ALDH1A2: variants seen among roughly 807,000 people sequenced by gnomAD.
ALDH1A2 encodes the protein aldehyde dehydrogenase 1 family member A2.
Under a neutral mutation model 60.3 loss-of-function variants are expected in ALDH1A2, and 27 were observed. The observed-to-expected ratio is 0.45, with a 90% confidence interval of 0.33 to 0.62. The LOEUF is 0.62. Among genes scored for constraint, ALDH1A2 ranks in the 20% least tolerant of loss-of-function variants. ALDH1A2 has a pLI of 0.02. For synonymous variants in ALDH1A2, 289 were observed against 232.4 expected, an observed-to-expected ratio of 1.24 and a Z score of -2.21; for missense variants, 581 against 643.8, an observed-to-expected ratio of 0.90 and a Z score of 1.06.
At chr15:58,007,116 A>G (rs997852524) in intron 4 of ALDH1A2, among the ~76,000 whole-genome samples, 3 of 151,908 alleles carry the variant, frequency 2.0e-5, no homozygotes, top group African/African-American at 7.3e-5. Flanking sequence ...ATAAATCAAC[A>G]ATATATATTA....
chr15:58,062,751 G>A (rs1297619760), intron 1 of ALDH1A2, among the ~76,000 whole-genome samples: 1 of 152,164 alleles, frequency 6.6e-6, no homozygotes, highest in Non-Finnish European at 1.5e-5. Context: ...GATCCAGCTT[G>A]CTGTATTAGG....
intron 4 of ALDH1A2, among the ~76,000 whole-genome samples, chr15:58,004,907 C>CA (rs528716938): frequency 5.8e-4 from 87 of 151,030 alleles, no homozygotes; most frequent in Admixed American, 5.0e-3. Flanking sequence ...AAAAACACCC[C>CA]ATGTTCATGG....
Position 58,055,984 on chromosome 15 carries a change from A to T in ALDH1A2, c.117+9550T>A, listed in dbSNP as rs1896885617. 4.6e-5 allele frequency among the ~76,000 whole-genome samples: 7 copies of T among 152,232 alleles called. No individual in the cohort carries two copies. In the South Asian group the frequency reaches 1.5e-3, roughly 32 times the overall value. ...ATCAGCAGCACAGAGTGAATAATTCATCAATTTATCTTGACCCTTCAAAAA... is the reference window on the plus strand; with the variant it reads ...ATCAGCAGCACAGAGTGAATAATTCTTCAATTTATCTTGACCCTTCAAAAA... On this transcript the variant is annotated intron_variant, in intron 1 of 12. Transcript: ENST00000249750.
intron 1 of ALDH1A2, among the ~76,000 whole-genome samples, chr15:58,043,001 T>C (rs1374418874): frequency 6.6e-6 from 1 of 151,948 alleles, no homozygotes; most frequent in African/African-American, 2.4e-5. Flanking sequence ...GATACCCTTA[T>C]AAAAGTCTTA....
At chr15:58,007,184 AAGAATGTTGTGATC>A (rs1158583023) in intron 4 of ALDH1A2, among the ~76,000 whole-genome samples, 1 of 152,028 alleles carries the variant, frequency 6.6e-6, no homozygotes, top group Non-Finnish European at 1.5e-5. Context: ...ATCAGCAGAC[AAGAATGTTGTGATC>A]AGAAGCTCAC....
At chr15:58,014,134 G>A in intron 2 of ALDH1A2, 43 bp downstream of exon 2, 1 of 1,614,058 alleles carries the variant, frequency 6.2e-7, no homozygotes, top group Non-Finnish European at 8.5e-7. Flanking sequence ...GCTGTTTGAA[G>A]GCAGTTATTT....
At chr15:57,987,393 A>T (rs867006175) in intron 7 of ALDH1A2, among the ~76,000 whole-genome samples, 2 of 152,112 alleles carry the variant, frequency 1.3e-5, no homozygotes, top group African/African-American at 4.8e-5. Flanking sequence ...ACAAAAAGAA[A>T]CTCTCTCAAA....
chr15:58,014,499 C>T, intron 1 of ALDH1A2: 1 of 597,968 alleles, frequency 1.7e-6, no homozygotes. Context: ...ACAGTTCTTA[C>T]CTTTCATGAA....
chr15:57,974,539 T>C (rs746219923), intron 7 of ALDH1A2, among the ~76,000 whole-genome samples: 1 of 151,700 alleles, frequency 6.6e-6, no homozygotes, highest in African/African-American at 2.4e-5. Flanking sequence ...GGCAGGGTAG[T>C]CTTTTCAAGA....
intron 1 of ALDH1A2, among the ~76,000 whole-genome samples, chr15:58,045,547 T>G (rs1310098894): frequency 6.6e-6 from 1 of 152,098 alleles, no homozygotes; most frequent in Non-Finnish European, 1.5e-5. Flanking sequence ...ATATACACCA[T>G]GGAATACTAT....
chr15:57,954,953 T>G lies in ALDH1A2; in HGVS notation c.*244A>C. ...ACTGGATGTGTCTGCTAGCTCCTCC[T>G]CCTCCCTTTATCCCACTTTCCCCAA... On this transcript the variant is annotated 3_prime_UTR_variant, in exon 13 of 13. Coordinates refer to ENST00000249750, the MANE Select transcript of ALDH1A2 (RefSeq NM_003888.4). 3.4e-6 allele frequency: 2 copies of G among 582,996 alleles called. No homozygotes were observed. Among genetic ancestry groups the G allele is most frequent in the South Asian group, 4.0e-5 (2 of 49,688 alleles). The allele number at this position is 582,996 out of a possible 1,614,324, so 36.1% of individuals were successfully genotyped here.
intron 10 of ALDH1A2, 134 bp downstream of exon 10, chr15:57,961,878 G>T: frequency 8.0e-7 from 1 of 1,254,976 alleles, no homozygotes; most frequent in Non-Finnish European, 1.1e-6. Flanking sequence ...AATTTTCATA[G>T]CCATGTTCAT....
At chr15:58,046,401 C>T (rs1896641296) in intron 1 of ALDH1A2, among the ~76,000 whole-genome samples, 1 of 151,994 alleles carries the variant, frequency 6.6e-6, no homozygotes, top group Non-Finnish European at 1.5e-5. Context: ...TTGAATGTTA[C>T]AAGGGTCATA....
At chr15:58,004,962 A>G (rs182619299) in intron 4 of ALDH1A2, among the ~76,000 whole-genome samples, 1 of 151,808 alleles carries the variant, frequency 6.6e-6, no homozygotes, top group East Asian at 1.9e-4. Flanking sequence ...TTTCCAAAGC[A>G]ATATACAGAT....
At chr15:57,958,778 G>T (rs1366570705) in intron 12 of ALDH1A2, among the ~76,000 whole-genome samples, 4 of 152,152 alleles carry the variant, frequency 2.6e-5, no homozygotes, top group Non-Finnish European at 5.9e-5. Context: ...GTCACTCAGG[G>T]TCATTTAAGA....
At chr15:57,980,243 C>A in intron 7 of ALDH1A2, 1 of 342,726 alleles carries the variant, frequency 2.9e-6, no homozygotes, top group South Asian at 2.7e-5. Context: ...GCTCTGCGGC[C>A]TCTTAGTCTT....
intron 1 of ALDH1A2, among the ~76,000 whole-genome samples, chr15:58,053,073 G>T (rs1896815467): frequency 6.6e-6 from 1 of 152,116 alleles, no homozygotes; most frequent in African/African-American, 2.4e-5. Context: ...TGTCAAGGCA[G>T]CCATGATACC....
chr15:58,057,374 A>G (rs1896922165), intron 1 of ALDH1A2, among the ~76,000 whole-genome samples: 4 of 152,156 alleles, frequency 2.6e-5, no homozygotes, highest in African/African-American at 9.7e-5. Flanking sequence ...TTACCACGCA[A>G]AACAATAGCA....
At chr15:57,963,126 T>G (rs1017870867) in intron 9 of ALDH1A2, among the ~76,000 whole-genome samples, 4 of 152,138 alleles carry the variant, frequency 2.6e-5, no homozygotes, top group Admixed American at 6.5e-5. Context: ...TCCAGACTGG[T>G]TCAGGCTGCT....
Sources: gnomAD v4.1 joint callset for allele counts (sites outside exome capture counted in the v4.1 genomes callset) on GRCh38, gnomAD v4.1.1 for gene constraint, MANE v1.5 for transcripts, NCBI Gene and HGNC (gene_info 2026-07-23, HGNC 2026-07-21) for gene names.